The following SYT1 variants were observed in gnomAD, a reference collection of about 807,000 sequenced individuals.
SYT1 encodes the protein synaptotagmin 1.
Under a neutral mutation model 44.8 loss-of-function variants are expected in SYT1, and 8 were observed. The observed-to-expected ratio is 0.18, with a 90% confidence interval of 0.10 to 0.32. The LOEUF is 0.32. SYT1 is among the 10% of genes least tolerant of loss of function. SYT1 has a pLI of 1.00. For missense variants in SYT1, 286 were observed against 509.3 expected, an observed-to-expected ratio of 0.56 and a Z score of 4.22; for synonymous variants, 154 against 188.8, an observed-to-expected ratio of 0.82 and a Z score of 1.51.
At chr12:78,875,226 T>C (rs946088217) in intron 1 of SYT1, among the ~76,000 whole-genome samples, 3 of 151,616 alleles carry the variant, frequency 2.0e-5, no homozygotes, top group African/African-American at 7.3e-5. Context: ...ATAATATATT[T>C]CTTCGGTAAG....
intron 3 of SYT1, among the ~76,000 whole-genome samples, chr12:79,194,884 C>T (rs903098212): frequency 1.3e-5 from 2 of 152,094 alleles, no homozygotes; most frequent in South Asian, 2.1e-4. Flanking sequence ...ATGCCTTAAA[C>T]GCTAAGGTCA....
At chr12:78,871,467 T>C (rs949364690) in intron 1 of SYT1, among the ~76,000 whole-genome samples, 1 of 152,006 alleles carries the variant, frequency 6.6e-6, no homozygotes, top group African/African-American at 2.4e-5. Context: ...TCCTATGCCA[T>C]ACAAACAGTG....
chr12:78,933,094 T>G (rs1877845516), intron 1 of SYT1, among the ~76,000 whole-genome samples: 1 of 152,186 alleles, frequency 6.6e-6, no homozygotes, highest in African/African-American at 2.4e-5. Flanking sequence ...TATTTTTAAC[T>G]TACTCTTCTC....
intron 9 of SYT1, among the ~76,000 whole-genome samples, chr12:79,382,153 C>T (rs1175344355): frequency 1.3e-5 from 2 of 152,138 alleles, no homozygotes; most frequent in Non-Finnish European, 2.9e-5. Flanking sequence ...GATTCTCAGT[C>T]GTGCGAGTCT....
At chr12:79,115,971 G>T (rs1427195228) in intron 3 of SYT1, among the ~76,000 whole-genome samples, 1 of 152,206 alleles carries the variant, frequency 6.6e-6, no homozygotes, top group Non-Finnish European at 1.5e-5. Context: ...AGCAAACAGA[G>T]TAGATTCTAA....
chr12:79,178,915 T>C (rs1199837566), intron 3 of SYT1, among the ~76,000 whole-genome samples: 2 of 134,504 alleles, frequency 1.5e-5, no homozygotes, highest in Non-Finnish European at 3.1e-5. Flanking sequence ...CACCCAGATA[T>C]AGATATAGAT....
At chr12:78,963,125 A>T (rs555382107) in intron 1 of SYT1, among the ~76,000 whole-genome samples, 1 of 152,078 alleles carries the variant, frequency 6.6e-6, no homozygotes, top group Non-Finnish European at 1.5e-5. Context: ...ATGTCGCTGT[A>T]TATTATAGGA....
chr12:79,044,901 T>C (rs918387981), intron 2 of SYT1, among the ~76,000 whole-genome samples: 3 of 152,198 alleles, frequency 2.0e-5, no homozygotes, highest in African/African-American at 7.2e-5. Context: ...GAGGTGTCAG[T>C]GTGCCCCTGC....
chr12:79,227,226 T>A (rs1014219406), intron 4 of SYT1, among the ~76,000 whole-genome samples: 1 of 152,070 alleles, frequency 6.6e-6, no homozygotes, highest in Non-Finnish European at 1.5e-5. Context: ...AAATTAAGGC[T>A]TAAATTTTTT....
chr12:79,397,323 G>C (rs1884906648), intron 9 of SYT1, among the ~76,000 whole-genome samples: 1 of 152,100 alleles, frequency 6.6e-6, no homozygotes, highest in Admixed American at 6.5e-5. Flanking sequence ...TCGATCTCCT[G>C]GGCTTAAGCA....
intron 9 of SYT1, among the ~76,000 whole-genome samples, chr12:79,423,648 C>A (rs925296927): frequency 3.9e-5 from 6 of 152,130 alleles, no homozygotes; most frequent in Non-Finnish European, 7.4e-5. Context: ...TAAGAAATTG[C>A]TTAGTCTTAT....
chr12:79,071,659 C>T (rs947666511), intron 3 of SYT1, among the ~76,000 whole-genome samples: 1 of 152,138 alleles, frequency 6.6e-6, no homozygotes, highest in African/African-American at 2.4e-5. Flanking sequence ...AGGGAAGGCT[C>T]CTTCCTTGCT....
intron 2 of SYT1, among the ~76,000 whole-genome samples, chr12:78,991,091 T>A (rs1183765583): frequency 6.6e-6 from 1 of 152,178 alleles, no homozygotes; most frequent in African/African-American, 2.4e-5. Context: ...AATTTATGAA[T>A]ACAAATGACA....
intron 1 of SYT1, among the ~76,000 whole-genome samples, chr12:78,966,070 CTG>C (rs1227612090): frequency 7.0e-6 from 1 of 142,706 alleles, no homozygotes; most frequent in Non-Finnish European, 1.5e-5. Context: ...GAATGAGACT[CTG>C]TCTCAAAAAA....
At chr12:78,947,109 G>A (rs1312002795) in intron 1 of SYT1, among the ~76,000 whole-genome samples, 1 of 152,050 alleles carries the variant, frequency 6.6e-6, no homozygotes, top group African/African-American at 2.4e-5. Flanking sequence ...ATCACTTAAG[G>A]TTGTTTGGAT....
At chr12:79,193,251 G>A (rs891562745) in intron 3 of SYT1, among the ~76,000 whole-genome samples, 5 of 152,122 alleles carry the variant, frequency 3.3e-5, no homozygotes, top group African/African-American at 1.2e-4. Flanking sequence ...TGAAATAGAT[G>A]TATAAATAAT....
chr12:79,288,604 C>T (rs1399777958), intron 5 of SYT1, among the ~76,000 whole-genome samples: 2 of 151,988 alleles, frequency 1.3e-5, no homozygotes, highest in African/African-American at 2.4e-5. Context: ...GCAATGACTA[C>T]AAAAAGTATA....
chr12:78,883,779 C>G (rs1238686021), intron 1 of SYT1, among the ~76,000 whole-genome samples: 1 of 151,606 alleles, frequency 6.6e-6, no homozygotes, highest in African/African-American at 2.4e-5. Context: ...TTTTTAACCA[C>G]TTCTTCAGTT....
intron 1 of SYT1, among the ~76,000 whole-genome samples, chr12:78,882,948 C>T (rs1009952351): frequency 2.0e-5 from 3 of 151,448 alleles, no homozygotes; most frequent in Non-Finnish European, 4.4e-5. Flanking sequence ...TGTGAAAACT[C>T]ATTTTCAGAA....
Sources: allele counts gnomAD v4.1 joint callset (sites outside exome capture counted in the v4.1 genomes callset), GRCh38; gene constraint gnomAD v4.1.1; transcripts MANE v1.5; gene names NCBI Gene and HGNC (gene_info 2026-07-23, HGNC 2026-07-21).